CECR2: variants seen among roughly 807,000 people sequenced by gnomAD.
The protein encoded by CECR2 is chromatin remodeling regulator CECR2.
In CECR2, 30 loss-of-function variants were observed where a neutral mutation model predicts 154.5. The observed-to-expected ratio is 0.19, with a 90% CI of 0.15 to 0.26. CECR2 has a LOEUF of 0.26. Ranked by LOEUF, CECR2 falls within the 10% of genes least tolerant of loss-of-function variation. The pLI is 1.00. For missense variants in CECR2, 1,743 were observed against 1,829.3 expected, an observed-to-expected ratio of 0.95 and a Z score of 0.86; for synonymous variants, 725 against 683.7, an observed-to-expected ratio of 1.06 and a Z score of -0.94.
Position 17,557,702 on chromosome 22 carries a change from T to C in CECR2, c.*4862T>C, listed in dbSNP as rs1601227444. On this transcript the variant is annotated 3_prime_UTR_variant, in exon 19 of 19. Coordinates refer to ENST00000262608, the MANE Select transcript of CECR2 (RefSeq NM_001290047.2). ...TGGGAGCAGGGGTATGGATATTGCA[T>C]AAGTTATTGAAATGCTGACCCCCGT... The C allele has an allele frequency of 6.6e-6, 1 of 152,314 alleles. No homozygotes were observed. The highest frequency in any genetic ancestry group is 1.5e-5 in the Non-Finnish European group (1 of 68,064). The allele number at this position is 152,314 out of a possible 1,614,324, so 9.4% of individuals were successfully genotyped here.
intron 1 of CECR2, among the ~76,000 whole-genome samples, chr22:17,447,931 G>A (rs894833669): frequency 6.6e-6 from 1 of 152,130 alleles, no homozygotes; most frequent in African/African-American, 2.4e-5. Flanking sequence ...CGTGGCTGCT[G>A]TGTTGGACAG....
At chr22:17,473,465 T>A (rs2055160839) in intron 1 of CECR2, among the ~76,000 whole-genome samples, 1 of 152,198 alleles carries the variant, frequency 6.6e-6, no homozygotes, top group African/African-American at 2.4e-5. Flanking sequence ...TAACCTGGAT[T>A]TCCAAATAGT....
At chr22:17,485,766 T>C (rs1442768789) in intron 2 of CECR2, among the ~76,000 whole-genome samples, 1 of 152,064 alleles carries the variant, frequency 6.6e-6, no homozygotes, top group African/African-American at 2.4e-5. Flanking sequence ...TGAGACCCTG[T>C]CTCCAAAAAA....
intron 1 of CECR2, among the ~76,000 whole-genome samples, chr22:17,378,075 C>T (rs958863897): frequency 4.6e-5 from 7 of 151,688 alleles, no homozygotes; most frequent in African/African-American, 1.7e-4. Context: ...CCTCCGCCCC[C>T]CGGGTTCACG....
chr22:17,396,147 T>G (rs1601282287), intron 1 of CECR2, among the ~76,000 whole-genome samples: 2 of 142,966 alleles, frequency 1.4e-5, no homozygotes, highest in African/African-American at 2.6e-5. Context: ...GAGGGTGAGG[T>G]GGGAGGATTG....
At chr22:17,376,611 G>T (rs1367586819) in intron 1 of CECR2, among the ~76,000 whole-genome samples, 2 of 151,858 alleles carry the variant, frequency 1.3e-5, no homozygotes, top group African/African-American at 4.8e-5. Flanking sequence ...CTTAGATGTA[G>T]TTGATGTGAC....
At chr22:17,530,863 TATC>T (rs1237306876) in intron 9 of CECR2, among the ~76,000 whole-genome samples, 1 of 152,172 alleles carries the variant, frequency 6.6e-6, no homozygotes, top group Non-Finnish European at 1.5e-5. Flanking sequence ...CACGAAGTGA[TATC>T]AGCAGGACAC....
intron 1 of CECR2, among the ~76,000 whole-genome samples, chr22:17,454,826 C>T (rs2054829440): frequency 1.3e-5 from 2 of 152,138 alleles, no homozygotes; most frequent in Non-Finnish European, 2.9e-5. Context: ...ATGCTTGTTT[C>T]CTGGTGCCAT....
At chr22:17,445,315 G>A (rs921180523) in intron 1 of CECR2, among the ~76,000 whole-genome samples, 1 of 152,044 alleles carries the variant, frequency 6.6e-6, no homozygotes, top group African/African-American at 2.4e-5. Context: ...CAGTCTAGGT[G>A]ACAGAGCGAG....
At chr22:17,499,317 T>C (rs2055692779) in intron 3 of CECR2, 93 bp from the exon 4 acceptor site, 5 of 1,460,208 alleles carry the variant, frequency 3.4e-6, no homozygotes, top group South Asian at 1.3e-5. Flanking sequence ...ATTTGAGTTA[T>C]GCTTACGTGT....
chr22:17,509,580 C>T (rs2055905503), intron 7 of CECR2, among the ~76,000 whole-genome samples: 1 of 152,086 alleles, frequency 6.6e-6, no homozygotes, highest in South Asian at 2.1e-4. Context: ...AGGCACACAC[C>T]ACCACGCCCA....
chr22:17,434,560 T>C (rs899928149), intron 1 of CECR2, among the ~76,000 whole-genome samples: 2 of 152,166 alleles, frequency 1.3e-5, no homozygotes, highest in Non-Finnish European at 2.9e-5. Flanking sequence ...CCCTTTAGGC[T>C]GCTGCCTTAA....
intron 1 of CECR2, among the ~76,000 whole-genome samples, chr22:17,443,627 A>G (rs2054615367): frequency 6.6e-6 from 1 of 152,124 alleles, no homozygotes; most frequent in African/African-American, 2.4e-5. Flanking sequence ...GGCAGCGAGG[A>G]CGGGCCTTTC....
chr22:17,379,581 GGTGTGTGTGTGTGTGTGTGTGT>G (rs60634016), intron 1 of CECR2, among the ~76,000 whole-genome samples: 3 of 137,904 alleles, frequency 2.2e-5, no homozygotes, highest in South Asian at 2.5e-4. Flanking sequence ...CTACGTTGAA[GGTGTGTGTGTGTGTGTGTGTGT>G]GTGTGTGTGT....
intron 7 of CECR2, among the ~76,000 whole-genome samples, chr22:17,507,070 C>G (rs2055861095): frequency 6.6e-6 from 1 of 152,194 alleles, no homozygotes; most frequent in Non-Finnish European, 1.5e-5. Flanking sequence ...TATTTGACCA[C>G]TTGCCAGTGA....
chr22:17,548,509 T>C lies in CECR2; in HGVS notation c.3222T>C (p.Ser1074=). The change falls in exon 17 of 19, where the codon AGT becomes AGC. Residue 1074 remains serine, a synonymous_variant. Transcript: ENST00000262608. ...CGGAGGGGAAGGGCCTTGGTAGCAG[T>C]GGTTCCGAAAAGCTGCTCTGCCCCA... ...CGSEGKGLGS[S]GSEKLLCPRG... is the part of the protein sequence containing the mutation. The C allele has an allele frequency of 6.2e-7, 1 of 1,613,754 alleles. No individual in the cohort carries two copies. The highest frequency in any genetic ancestry group is 2.2e-5 in the East Asian group (1 of 44,860).
chr22:17,482,808 GCAGCTGGGACTACAGGTGCCCAC>G (rs1481882682), intron 2 of CECR2, among the ~76,000 whole-genome samples: 34 of 142,794 alleles, frequency 2.4e-4, no homozygotes, highest in African/African-American at 7.9e-4. Flanking sequence ...AGCCTCCCCA[GCAGCTGGGACTACAGGTGCCCAC>G]CACCACACCT....
At chr22:17,388,220 C>T (rs1314995171) in intron 1 of CECR2, among the ~76,000 whole-genome samples, 1 of 152,202 alleles carries the variant, frequency 6.6e-6, no homozygotes, top group Non-Finnish European at 1.5e-5. Flanking sequence ...TCCCAACGTG[C>T]TGGGATTACA....
At chr22:17,430,133 T>A (rs1220913262) in intron 1 of CECR2, among the ~76,000 whole-genome samples, 2 of 152,256 alleles carry the variant, frequency 1.3e-5, no homozygotes, top group Non-Finnish European at 2.9e-5. Context: ...CACATCATCC[T>A]GTATTCAGTG....
Sources: gnomAD v4.1 joint callset for allele counts (sites outside exome capture counted in the v4.1 genomes callset) on GRCh38, gnomAD v4.1.1 for gene constraint, MANE v1.5 for transcripts, NCBI Gene and HGNC (gene_info 2026-07-23, HGNC 2026-07-21) for gene names.